The following PEX14 variants were observed in gnomAD, a reference collection of about 807,000 sequenced individuals.
The protein encoded by PEX14 is peroxisomal membrane protein PEX14.
A neutral mutation model predicts 49.5 loss-of-function variants in PEX14; 15 were observed. The observed-to-expected ratio is 0.30, with a 90% CI of 0.20 to 0.47. The LOEUF (loss-of-function observed/expected upper bound fraction) is 0.47. Among genes scored for constraint, PEX14 ranks in the 20% least tolerant of loss-of-function variants. PEX14 has a pLI of 1.00. For synonymous variants in PEX14, 210 were observed against 212.7 expected (o/e 0.99, Z 0.11); for missense variants, 398 against 494.8 (o/e 0.80, Z 1.86).
In PEX14 at chr1:10,624,721, A is replaced by G. The variant is rs548176874; in HGVS notation, c.585+284A>G. Among the ~76,000 whole-genome samples, 14 of 145,492 alleles carry G rather than the reference A, an allele frequency of 9.6e-5. No individual in the cohort carries two copies. The East Asian group carries it at 2.9e-3, about 30-fold the overall frequency. ...GCTACCCTCTGCCTGTGGAGATCTC[A>G]TGGCAGCCACATCCCCGCAGCTCTG... On this transcript the variant is annotated intron_variant, in intron 7 of 8. Transcript: ENST00000356607.
At chr1:10,542,097 T>C (rs1209174575) in intron 3 of PEX14, among the ~76,000 whole-genome samples, 1 of 152,238 alleles carries the variant, frequency 6.6e-6, no homozygotes, top group East Asian at 1.9e-4. Flanking sequence ...AAATTTTTTT[T>C]ACTTTTTGAA....
intron 2 of PEX14, among the ~76,000 whole-genome samples, chr1:10,531,938 A>G (rs1638661712): frequency 6.6e-6 from 1 of 152,312 alleles, no homozygotes; most frequent in South Asian, 2.1e-4. Context: ...AGGAGAGTGG[A>G]AAACACATAG....
At chr1:10,493,251 A>T (rs1382116331) in intron 1 of PEX14, among the ~76,000 whole-genome samples, 1 of 152,092 alleles carries the variant, frequency 6.6e-6, no homozygotes, top group African/African-American at 2.4e-5. Context: ...TGGACAAGGG[A>T]TGGGACGAGC....
chr1:10,630,316 G>A lies in PEX14; in HGVS notation c.*329G>A. ...TCTCCCGGACAGACGCCTTGCCCAGGGTGTGTTTGCTGAGTGTCTTGACTA... is the reference window on the plus strand; with the variant it reads ...TCTCCCGGACAGACGCCTTGCCCAGAGTGTGTTTGCTGAGTGTCTTGACTA... On this transcript the variant is annotated 3_prime_UTR_variant, in exon 9 of 9. Coordinates refer to ENST00000356607, the MANE Select transcript of PEX14 (RefSeq NM_004565.3). The surrounding 1 kb of genome is among the most constrained non-coding windows in gnomAD (Gnocchi z 4.1). 1 of 447,628 alleles carries A rather than the reference G, an allele frequency of 2.2e-6. No homozygotes were observed. The highest frequency in any genetic ancestry group is 2.0e-5 in the African/African-American group (1 of 50,826). The allele number at this position is 447,628 out of a possible 1,614,324, so 27.7% of individuals were successfully genotyped here.
Position 10,506,692 on chromosome 1 carries a change from GACAGTTAA to G in PEX14, c.84+11375_84+11382del, listed in dbSNP as rs1285598474. 3.9e-5 allele frequency among the ~76,000 whole-genome samples: 6 copies of G among 152,260 alleles called. No individual in the cohort carries two copies. The East Asian group carries it at 1.2e-3, about 29-fold the overall frequency. On this transcript the variant is annotated intron_variant, in intron 2 of 8. Coordinates refer to ENST00000356607, the MANE Select transcript of PEX14 (RefSeq NM_004565.3). ...CTGTCAAATTAGGTGTGAGCGAGATGACAGTTAAACATTAGAGGAAGATCATAAACATC... is the reference window on the plus strand; with the variant it reads ...CTGTCAAATTAGGTGTGAGCGAGATGACATTAGAGGAAGATCATAAACATC...
At chr1:10,579,990 C>T (rs1640265257) in intron 3 of PEX14, among the ~76,000 whole-genome samples, 1 of 151,700 alleles carries the variant, frequency 6.6e-6, no homozygotes, top group African/African-American at 2.4e-5. Flanking sequence ...ATGCCTCTGA[C>T]AATACTAGAT....
intron 4 of PEX14, among the ~76,000 whole-genome samples, chr1:10,617,626 T>A (rs1372460674): frequency 1.3e-5 from 2 of 152,080 alleles, no homozygotes; most frequent in Admixed American, 1.3e-4. Flanking sequence ...CTACCGTCTC[T>A]CTTTTGTGCT....
chr1:10,581,376 G>A (rs897100640), intron 3 of PEX14, among the ~76,000 whole-genome samples: 3 of 145,490 alleles, frequency 2.1e-5, no homozygotes, highest in Admixed American at 7.0e-5. Context: ...GTGCAATCTC[G>A]GCTCACTGCA....
rs1448281429 is a variant in PEX14 at position 10,514,320 on chromosome 1, G to A, written c.84+18999G>A. Among the ~76,000 whole-genome samples, 2 of 152,126 alleles carry A rather than the reference G, an allele frequency of 1.3e-5. No individual in the cohort carries two copies. The highest frequency in any genetic ancestry group is 2.9e-5 in the Non-Finnish European group (2 of 68,030). On this transcript the variant is annotated intron_variant, in intron 2 of 8. Transcript: ENST00000356607. The surrounding 1 kb of genome is among the most constrained non-coding windows in gnomAD (Gnocchi z 4.4). ...CAGCCCACGTATTGTGCATCTGTAT[G>A]TGTGTATGTGCGAGCGCCTGTGTAC...
intron 2 of PEX14, among the ~76,000 whole-genome samples, chr1:10,504,662 A>G (rs764947205): frequency 6.6e-6 from 1 of 152,220 alleles, no homozygotes; most frequent in Non-Finnish European, 1.5e-5. Flanking sequence ...TTGCAGCCGT[A>G]TGGTAGCAAG....
chr1:10,602,945 A>G (rs558431179), intron 4 of PEX14, among the ~76,000 whole-genome samples: 2 of 152,264 alleles, frequency 1.3e-5, no homozygotes, highest in African/African-American at 4.8e-5. Context: ...GCCCAAGGCT[A>G]GAAAATGGGA....
chr1:10,580,007 T>G (rs1318747811), intron 3 of PEX14, among the ~76,000 whole-genome samples: 1 of 151,930 alleles, frequency 6.6e-6, no homozygotes, highest in Non-Finnish European at 1.5e-5. Context: ...AGATGGAAAT[T>G]TGGGTCTTCA....
intron 3 of PEX14, among the ~76,000 whole-genome samples, chr1:10,576,060 A>G (rs1640108032): frequency 6.6e-6 from 1 of 152,156 alleles, no homozygotes; most frequent in African/African-American, 2.4e-5. Flanking sequence ...CCTTCTTCCC[A>G]CCATTTTCTA....
chr1:10,630,298 G>T lies in PEX14; in HGVS notation c.*311G>T, dbSNP rs896042165. 3.2e-5 allele frequency: 16 copies of T among 495,326 alleles called. No individual in the cohort carries two copies. The highest frequency in any genetic ancestry group is 5.8e-5 in the Non-Finnish European group (16 of 274,602). The allele number at this position is 495,326 out of a possible 1,614,324, so 30.7% of individuals were successfully genotyped here. ...AGCCCCTCCCCAGCCCCCTCTCCCG[G>T]ACAGACGCCTTGCCCAGGGTGTGTT... On this transcript the variant is annotated 3_prime_UTR_variant, in exon 9 of 9. Coordinates refer to ENST00000356607, the MANE Select transcript of PEX14 (RefSeq NM_004565.3). The surrounding 1 kb of genome is among the most constrained non-coding windows in gnomAD (Gnocchi z 4.1).
At chr1:10,531,125 G>T (rs1242343106) in intron 2 of PEX14, among the ~76,000 whole-genome samples, 1 of 152,118 alleles carries the variant, frequency 6.6e-6, no homozygotes, top group African/African-American at 2.4e-5. Flanking sequence ...GAATTATGTT[G>T]TCCTAGGACC....
chr1:10,592,718 G>A (rs1179412877), intron 3 of PEX14, among the ~76,000 whole-genome samples: 1 of 152,196 alleles, frequency 6.6e-6, no homozygotes, highest in African/African-American at 2.4e-5. Context: ...AGAAACTTTC[G>A]ATCTTGGTTG....
Position 10,629,382 on chromosome 1 carries a change from G to A in PEX14, c.678-149G>A, listed in dbSNP as rs1336561137. On this transcript the variant is annotated intron_variant, in intron 8 of 8. Coordinates refer to ENST00000356607, the MANE Select transcript of PEX14 (RefSeq NM_004565.3). This position sits in a 1 kb window ranked among gnomAD's most constrained non-coding sequence, Gnocchi z 8.5. The stretch of plus-strand genomic sequence containing the variant: ...AGGATCTTTGCTCCTGAAAGGAGGG[G>A]TGGAAGGGCTCCATCCTGTCCCTTG... 3 of 678,834 alleles carry A rather than the reference G, an allele frequency of 4.4e-6. No homozygotes were observed. The highest frequency in any genetic ancestry group is 4.3e-5 in the Admixed American group (2 of 46,172). 42.1% of individuals were successfully genotyped at this position (678,834 alleles called of 1,614,324 possible). A position where few individuals can be genotyped will look rare whatever the true frequency, so the allele number is the denominator to read the frequency against.
intron 3 of PEX14, among the ~76,000 whole-genome samples, chr1:10,538,742 G>A (rs1168657568): frequency 6.6e-6 from 1 of 152,234 alleles, no homozygotes; most frequent in African/African-American, 2.4e-5. Flanking sequence ...CAGTAGTTGT[G>A]GCAGGAAAGC....
chr1:10,599,915 C>G (rs1640935058), intron 4 of PEX14, among the ~76,000 whole-genome samples: 1 of 152,122 alleles, frequency 6.6e-6, no homozygotes, highest in African/African-American at 2.4e-5. Flanking sequence ...TTGAATGTTT[C>G]TTTTAATTAT....
Sources: gnomAD v4.1 joint callset for allele counts (sites outside exome capture counted in the v4.1 genomes callset) on GRCh38, gnomAD v4.1.1 for gene constraint, Gnocchi (gnomAD v3.1) non-coding constraint, MANE v1.5 for transcripts, NCBI Gene and HGNC (gene_info 2026-07-23, HGNC 2026-07-21) for gene names.